ZFYVE9: variants seen among roughly 807,000 people sequenced by gnomAD.
ZFYVE9 encodes zinc finger FYVE domain-containing protein 9.
A neutral mutation model predicts 126.7 loss-of-function variants in ZFYVE9; 43 were observed. That is an observed-to-expected ratio of 0.34 (90% CI 0.27 to 0.44). The LOEUF is 0.44. Among genes scored for constraint, ZFYVE9 ranks in the 20% least tolerant of loss-of-function variants. The probability of loss-of-function intolerance (pLI) is 1.00; values close to 1 mark genes in which losing one functional copy is unlikely to be tolerated. For synonymous variants in ZFYVE9, 521 were observed against 597.4 expected (o/e 0.87, Z 1.87); for missense variants, 1,476 against 1,697.0 (o/e 0.87, Z 2.29).
chr1:52,197,596 G>A (rs892263957), intron 1 of ZFYVE9, among the ~76,000 whole-genome samples: 2 of 108,538 alleles, frequency 1.8e-5, no homozygotes, highest in Non-Finnish European at 4.0e-5. Flanking sequence ...AGAGATAGAT[G>A]TCAAAAAAAA....
At chr1:52,145,192 T>C (rs1644295800) in intron 1 of ZFYVE9, among the ~76,000 whole-genome samples, 1 of 152,228 alleles carries the variant, frequency 6.6e-6, no homozygotes, top group Non-Finnish European at 1.5e-5. Flanking sequence ...CCTGATTCAG[T>C]GTTTTCTTTA....
chr1:52,239,696 G>A (rs1645314114), intron 4 of ZFYVE9, 101 bp downstream of exon 4: 1 of 1,339,980 alleles, frequency 7.5e-7, no homozygotes, highest in Non-Finnish European at 1.0e-6. Flanking sequence ...GTCTGGTTGA[G>A]TTGACCTAAA....
intron 11 of ZFYVE9, among the ~76,000 whole-genome samples, chr1:52,295,344 GTTT>G (rs575721173): frequency 0.01 from 653 of 64,162 alleles, 4 homozygotes; most frequent in African/African-American, 0.083. Flanking sequence ...TTGTGGGTTT[GTTT>G]GTTTGTTTGT....
intron 1 of ZFYVE9, among the ~76,000 whole-genome samples, chr1:52,169,480 A>G (rs1057490245): frequency 6.6e-5 from 10 of 152,272 alleles, no homozygotes; most frequent in Admixed American, 5.2e-4. Context: ...AGCATATCAT[A>G]TATTTTACAT....
chr1:52,206,884 T>A (rs1229513485), intron 1 of ZFYVE9, among the ~76,000 whole-genome samples: 1 of 152,198 alleles, frequency 6.6e-6, no homozygotes, highest in Admixed American at 6.5e-5. Flanking sequence ...AGACAGTAAA[T>A]CATGAGATAT....
chr1:52,340,923 A>C lies in ZFYVE9; in HGVS notation c.3939+692A>C, dbSNP rs774719090. On this transcript the variant is annotated intron_variant, in intron 17 of 18. Transcript: ENST00000287727. ...CCGTCTCAAAAAAAAAAAAAAAAAA[A>C]AAAAAAAAAACTAGGCCGGGTGTGG... Among the ~76,000 whole-genome samples, 723 of 144,132 alleles carry C rather than the reference A, an allele frequency of 5.0e-3. 9 individuals are homozygous for C. Among genetic ancestry groups the C allele is most frequent in the Non-Finnish European group, 7.3e-3 (497 of 67,620 alleles). 94.6% of individuals were successfully genotyped at this position (144,132 alleles called of 152,430 possible). A position where few individuals can be genotyped will look rare whatever the true frequency, so the allele number is the denominator to read the frequency against.
chr1:52,329,701 C>T lies in ZFYVE9; in HGVS notation c.3439-3067C>T, dbSNP rs188361609. On this transcript the variant is annotated intron_variant, in intron 13 of 18. Coordinates refer to ENST00000287727, the MANE Select transcript of ZFYVE9 (RefSeq NM_004799.4). Reference sequence around the variant, plus strand: ...CTGGCGGATCATGAGGTCAGGAGATCGAGACCATCATGGTTAATACGGTGA... The same window carrying T: ...CTGGCGGATCATGAGGTCAGGAGATTGAGACCATCATGGTTAATACGGTGA... 1.3e-3 allele frequency among the ~76,000 whole-genome samples: 201 copies of T among 151,668 alleles called. 2 individuals carry two copies. The East Asian group carries it at 0.025, about 19-fold the overall frequency.
At chr1:52,272,796 A>G (rs907538066) in intron 7 of ZFYVE9, among the ~76,000 whole-genome samples, 7 of 151,162 alleles carry the variant, frequency 4.6e-5, no homozygotes, top group African/African-American at 1.5e-4. Flanking sequence ...CGGCCTCCCA[A>G]GTGGCTGGGA....
intron 1 of ZFYVE9, among the ~76,000 whole-genome samples, chr1:52,148,803 G>C (rs909261881): frequency 2.4e-4 from 36 of 151,322 alleles, no homozygotes; most frequent in Admixed American, 7.2e-4. Context: ...CACCATGCCT[G>C]GATAAGTTTT....
intron 6 of ZFYVE9, among the ~76,000 whole-genome samples, 183 bp downstream of exon 6, chr1:52,267,014 A>G (rs113352180): frequency 2.0e-5 from 3 of 152,302 alleles, no homozygotes; most frequent in East Asian, 1.9e-4. Context: ...AGAGAATAAT[A>G]TTTGTGTTGC....
chr1:52,297,940 A>G (rs777047362), intron 12 of ZFYVE9, among the ~76,000 whole-genome samples: 2 of 151,732 alleles, frequency 1.3e-5, no homozygotes, highest in Non-Finnish European at 2.9e-5. Flanking sequence ...TCTCAAACTC[A>G]TGACCTCGAG....
At chr1:52,196,850 A>G (rs1644865429) in intron 1 of ZFYVE9, among the ~76,000 whole-genome samples, 5 of 151,652 alleles carry the variant, frequency 3.3e-5, no homozygotes, top group Admixed American at 3.3e-4. Context: ...GTAGATGTAG[A>G]GAAGTAAGCA....
intron 7 of ZFYVE9, among the ~76,000 whole-genome samples, chr1:52,272,671 A>ACCTTTTTTTTTTT (rs1162973754): frequency 5.9e-5 from 8 of 134,850 alleles, no homozygotes; most frequent in African/African-American, 1.7e-4. Context: ...GCTAGAAATA[A>ACCTTTTTTTTTTT]TCTTTTTTTT....
chr1:52,206,958 C>T (rs1644984168), intron 1 of ZFYVE9, among the ~76,000 whole-genome samples: 1 of 152,166 alleles, frequency 6.6e-6, no homozygotes, highest in African/African-American at 2.4e-5. Flanking sequence ...TGTACACACA[C>T]AGAGAGAATT....
chr1:52,332,031 C>T (rs1375161843), intron 13 of ZFYVE9, among the ~76,000 whole-genome samples: 3 of 151,954 alleles, frequency 2.0e-5, no homozygotes, highest in Non-Finnish European at 2.9e-5. Flanking sequence ...CCGCCTGCCT[C>T]GGCCTCCCAA....
intron 10 of ZFYVE9, among the ~76,000 whole-genome samples, chr1:52,288,925 C>CAAAAAAAAAAAAAA (rs775138803): frequency 1.6e-5 from 1 of 62,058 alleles, no homozygotes; most frequent in Non-Finnish European, 3.5e-5. Context: ...GACTCTGTCT[C>CAAAAAAAAAAAAAA]AAAAAAAAAA....
At chr1:52,195,792 CTT>C (rs113179670) in intron 1 of ZFYVE9, among the ~76,000 whole-genome samples, 3 of 144,632 alleles carry the variant, frequency 2.1e-5, no homozygotes, top group Non-Finnish European at 1.5e-5. Flanking sequence ...TCAGTATAGT[CTT>C]TTTTTTTTTT....
intron 5 of ZFYVE9, among the ~76,000 whole-genome samples, chr1:52,266,190 C>T (rs1054949291): frequency 3.3e-5 from 5 of 151,814 alleles, no homozygotes; most frequent in Admixed American, 2.6e-4. Flanking sequence ...CTCCACCTCC[C>T]GGGTTCATGC....
chr1:52,270,183 A>G (rs925358023), intron 7 of ZFYVE9, among the ~76,000 whole-genome samples: 1 of 152,176 alleles, frequency 6.6e-6, no homozygotes, highest in African/African-American at 2.4e-5. Context: ...CCACAATGCA[A>G]TTATCACATG....
Sources: gnomAD v4.1 joint callset for allele counts (sites outside exome capture counted in the v4.1 genomes callset) on GRCh38, gnomAD v4.1.1 for gene constraint, MANE v1.5 for transcripts, NCBI Gene and HGNC (gene_info 2026-07-23, HGNC 2026-07-21) for gene names.